AGBL4: variants seen among roughly 807,000 people sequenced by gnomAD.
The protein encoded by AGBL4 is AGBL carboxypeptidase 4.
Under a neutral mutation model 66.4 loss-of-function variants are expected in AGBL4, and 58 were observed. The ratio of observed to expected loss-of-function variants is 0.87; its 90% CI spans 0.71 to 1.09. The LOEUF is 1.09. AGBL4 is among the 50% of genes least tolerant of loss of function. The pLI, the probability that AGBL4 is intolerant of heterozygous loss-of-function variation, is 0.00. For missense variants in AGBL4, 579 were observed against 631.0 expected, an observed-to-expected ratio of 0.92 and a Z score of 0.88; for synonymous variants, 234 against 222.9, an observed-to-expected ratio of 1.05 and a Z score of -0.44.
At chr1:49,384,355 A>T (rs1488480539) in intron 3 of AGBL4, among the ~76,000 whole-genome samples, 1 of 151,870 alleles carries the variant, frequency 6.6e-6, no homozygotes, top group African/African-American at 2.4e-5. Context: ...GCATTTTGGG[A>T]GGTCGAGGCG....
At chr1:49,425,665 C>T (rs1398650255) in intron 3 of AGBL4, among the ~76,000 whole-genome samples, 1 of 152,214 alleles carries the variant, frequency 6.6e-6, no homozygotes, top group East Asian at 1.9e-4. Context: ...ATATTAATTA[C>T]TTTCAATGTC....
At chr1:49,792,527 G>A (rs527953974) in intron 2 of AGBL4, among the ~76,000 whole-genome samples, 1 of 152,178 alleles carries the variant, frequency 6.6e-6, no homozygotes, top group East Asian at 1.9e-4. Flanking sequence ...AAATCATTTT[G>A]TGATTATGGA....
intron 3 of AGBL4, among the ~76,000 whole-genome samples, chr1:49,537,763 A>G (rs1442436204): frequency 6.6e-6 from 1 of 152,134 alleles, no homozygotes; most frequent in East Asian, 1.9e-4. Flanking sequence ...TCTCTTCTAA[A>G]AAAAATACAA....
In AGBL4 at chr1:49,153,412, A is replaced by G. The variant is rs568755466; in HGVS notation, c.377+92358T>C. On this transcript the variant is annotated intron_variant, in intron 4 of 13. Transcript: ENST00000371839. ...ATTATTAATAATACAATATTTAAAC[A>G]CACAATATATCCCTCTTAATGATGA... is the stretch of plus-strand genomic sequence containing the variant. 2.6e-5 allele frequency among the ~76,000 whole-genome samples: 4 copies of G among 152,310 alleles called. No individual in the cohort carries two copies. The South Asian group carries it at 8.3e-4, about 32-fold the overall frequency.
At chr1:49,533,550 T>C (rs987768040) in intron 3 of AGBL4, among the ~76,000 whole-genome samples, 2 of 152,144 alleles carry the variant, frequency 1.3e-5, no homozygotes, top group African/African-American at 4.8e-5. Context: ...GGTCTCTTCC[T>C]GCATGGAGAT....
chr1:49,095,717 AC>A (rs1645084828), intron 4 of AGBL4, among the ~76,000 whole-genome samples: 1 of 151,752 alleles, frequency 6.6e-6, no homozygotes, highest in South Asian at 2.1e-4. Flanking sequence ...TAAACATTAG[AC>A]CTAAAACCAT....
At chr1:49,129,756 T>C (rs1490202514) in intron 4 of AGBL4, among the ~76,000 whole-genome samples, 1 of 151,968 alleles carries the variant, frequency 6.6e-6, no homozygotes, top group Non-Finnish European at 1.5e-5. Flanking sequence ...CTGTTGTGAA[T>C]AGTGCCACAA....
chr1:48,814,112 T>G (rs992546236), intron 6 of AGBL4, among the ~76,000 whole-genome samples: 4 of 152,134 alleles, frequency 2.6e-5, no homozygotes, highest in African/African-American at 9.7e-5. Flanking sequence ...CCTTCAGCAA[T>G]ATTGCTGTCA....
intron 1 of AGBL4, among the ~76,000 whole-genome samples, chr1:49,940,255 G>C (rs1051453734): frequency 1.3e-5 from 2 of 152,196 alleles, no homozygotes; most frequent in African/African-American, 4.8e-5. Context: ...CTGTTGGTGG[G>C]ACTGTAATTA....
chr1:49,113,898 T>C (rs1377611603), intron 4 of AGBL4, among the ~76,000 whole-genome samples: 2 of 152,192 alleles, frequency 1.3e-5, no homozygotes, highest in Admixed American at 1.3e-4. Flanking sequence ...AACCATGCTA[T>C]AAACAAATGT....
intron 3 of AGBL4, among the ~76,000 whole-genome samples, chr1:49,311,053 A>G (rs1022108255): frequency 2.0e-5 from 3 of 152,040 alleles, no homozygotes; most frequent in Non-Finnish European, 4.4e-5. Flanking sequence ...TGGCATACTA[A>G]TAGTACCTAC....
chr1:49,744,072 T>G (rs991522522), intron 2 of AGBL4, among the ~76,000 whole-genome samples: 3 of 151,762 alleles, frequency 2.0e-5, no homozygotes, highest in African/African-American at 7.2e-5. Flanking sequence ...AAAGATAGTC[T>G]TAGATAAAAA....
intron 4 of AGBL4, among the ~76,000 whole-genome samples, chr1:49,118,313 T>G (rs1645574979): frequency 1.3e-5 from 2 of 152,212 alleles, no homozygotes; most frequent in South Asian, 4.1e-4. Context: ...AAGGGAATGC[T>G]TCCAATTTTT....
At chr1:49,739,666 C>T (rs894743603) in intron 2 of AGBL4, among the ~76,000 whole-genome samples, 8 of 152,244 alleles carry the variant, frequency 5.3e-5, no homozygotes, top group Non-Finnish European at 7.4e-5. Context: ...GGTTGGGTTA[C>T]CCACATAGGG....
At chr1:49,354,539 C>T (rs1458086296) in intron 3 of AGBL4, among the ~76,000 whole-genome samples, 1 of 152,194 alleles carries the variant, frequency 6.6e-6, no homozygotes, top group Admixed American at 6.5e-5. Context: ...TCTACACTTG[C>T]TTTCTAAGAG....
chr1:49,668,031 CA>C (rs1181636251), intron 3 of AGBL4, among the ~76,000 whole-genome samples: 1 of 152,080 alleles, frequency 6.6e-6, no homozygotes, highest in Non-Finnish European at 1.5e-5. Flanking sequence ...TATCGTAGGG[CA>C]AAGCCCAGTT....
At chr1:48,549,306 T>C (rs977154293) in intron 11 of AGBL4, among the ~76,000 whole-genome samples, 1 of 152,204 alleles carries the variant, frequency 6.6e-6, no homozygotes, top group African/African-American at 2.4e-5. Flanking sequence ...GCCTCACCAA[T>C]CCTCCCACAG....
intron 3 of AGBL4, among the ~76,000 whole-genome samples, chr1:49,469,620 CT>C (rs1646701201): frequency 1.3e-5 from 2 of 151,872 alleles, no homozygotes; most frequent in African/African-American, 4.8e-5. Flanking sequence ...TAAGACACCC[CT>C]AAGTCCCATA....
At chr1:48,669,022 AGGTGAGGGACACTGAGGAG>A (rs1646234390) in intron 6 of AGBL4, among the ~76,000 whole-genome samples, 2 of 152,144 alleles carry the variant, frequency 1.3e-5, no homozygotes, top group South Asian at 4.1e-4. Flanking sequence ...GGAAAGGGCT[AGGTGAGGGACACTGAGGAG>A]GACCGTGTTC....
Sources: gnomAD v4.1 joint callset for allele counts (sites outside exome capture counted in the v4.1 genomes callset) on GRCh38, gnomAD v4.1.1 for gene constraint, MANE v1.5 for transcripts, NCBI Gene and HGNC (gene_info 2026-07-23, HGNC 2026-07-21) for gene names.